Variants in TNIP3 observed in about 807,000 individuals in gnomAD.
The protein encoded by TNIP3 is TNFAIP3-interacting protein 3.
In TNIP3, 34 loss-of-function variants were observed where a neutral mutation model predicts 54.1. The ratio of observed to expected loss-of-function variants is 0.63; its 90% CI spans 0.48 to 0.84. TNIP3 has a LOEUF of 0.84. Among genes scored for constraint, TNIP3 ranks in the 40% least tolerant of loss-of-function variants. The pLI, the probability that TNIP3 is intolerant of heterozygous loss-of-function variation, is 0.00. For missense variants in TNIP3, 366 were observed against 387.6 expected (o/e 0.94, Z 0.47); for synonymous variants, 134 against 136.8 (o/e 0.98, Z 0.14).
chr4:121,153,799 T>G (rs201500497), intron 5 of TNIP3, among the ~76,000 whole-genome samples: 1 of 152,198 alleles, frequency 6.6e-6, no homozygotes, highest in East Asian at 1.9e-4. Flanking sequence ...TCACCTACTC[T>G]TGTTTCAGAA....
At chr4:121,173,893 A>G (rs1349606953) in intron 3 of TNIP3, among the ~76,000 whole-genome samples, 2 of 152,198 alleles carry the variant, frequency 1.3e-5, no homozygotes, top group East Asian at 3.8e-4. Context: ...GGCCTCCCAA[A>G]GTGCTGGGAT....
chr4:121,150,419 G>T (rs1729678454), intron 5 of TNIP3, among the ~76,000 whole-genome samples, 200 bp from the exon 6 acceptor site: 2 of 150,834 alleles, frequency 1.3e-5, no homozygotes, highest in Non-Finnish European at 3.0e-5. Context: ...TTTTTTCCAT[G>T]ATGATGCTTA....
intron 2 of TNIP3, among the ~76,000 whole-genome samples, chr4:121,187,548 GACCA>G (rs1725085233): frequency 6.6e-6 from 1 of 152,166 alleles, no homozygotes; most frequent in Non-Finnish European, 1.5e-5. Context: ...AATAAAGAAG[GACCA>G]TGGAGGGCTA....
chr4:121,142,694 TA>T, intron 8 of TNIP3, 31 bp downstream of exon 8: 1 of 1,581,216 alleles, frequency 6.3e-7, no homozygotes, highest in Non-Finnish European at 8.7e-7. Flanking sequence ...TACATGGGAA[TA>T]AATGTATGCG....
intron 3 of TNIP3, among the ~76,000 whole-genome samples, chr4:121,180,835 C>A (rs1359539268): frequency 6.6e-6 from 1 of 152,178 alleles, no homozygotes; most frequent in Non-Finnish European, 1.5e-5. Context: ...ATTCTGTCTC[C>A]CTACCTTCCA....
At chr4:121,197,638 G>A (rs145541982) in intron 2 of TNIP3, among the ~76,000 whole-genome samples, 1 of 151,806 alleles carries the variant, frequency 6.6e-6, no homozygotes, top group Non-Finnish European at 1.5e-5. Flanking sequence ...ATGAGAAAGA[G>A]ATTATCTTTA....
intron 2 of TNIP3, among the ~76,000 whole-genome samples, chr4:121,160,552 C>T (rs181290848): frequency 1.3e-3 from 197 of 152,220 alleles, no homozygotes; most frequent in African/African-American, 4.5e-3. Context: ...ACTACTTCCT[C>T]TGTCAAGAAG....
chr4:121,163,507 C>T (rs1314885050), intron 1 of TNIP3, among the ~76,000 whole-genome samples: 1 of 152,162 alleles, frequency 6.6e-6, no homozygotes, highest in Non-Finnish European at 1.5e-5. Flanking sequence ...CTGGGCACTT[C>T]TTTCTCTATG....
upstream of TNIP3, among the ~76,000 whole-genome samples, chr4:121,220,676 C>G (rs1579514068): frequency 6.6e-6 from 1 of 151,972 alleles, no homozygotes; most frequent in East Asian, 1.9e-4. Context: ...GTAAAATTGT[C>G]ATAAATAGCG....
At chr4:121,161,278 T>A in intron 1 of TNIP3, 62 bp from the exon 2 acceptor site, 2 of 1,421,878 alleles carry the variant, frequency 1.4e-6, no homozygotes, top group Non-Finnish European at 1.9e-6. Flanking sequence ...ACAGAAGTAC[T>A]GTTCCTCAGA....
At chr4:121,154,513 T>C (rs1729960431) in intron 5 of TNIP3, 38 bp downstream of exon 5, 16 of 1,610,620 alleles carry the variant, frequency 9.9e-6, no homozygotes, top group Non-Finnish European at 1.3e-5. Context: ...ATGCAGGGAC[T>C]TCTCATTTTA....
chr4:121,182,936 A>G (rs13106084), intron 2 of TNIP3: 143,456 of 811,244 alleles, frequency 0.18, 14,738 homozygotes, highest in Middle Eastern at 0.23. Flanking sequence ...TAATCTCATT[A>G]TGTTTTCATT....
At chr4:121,173,894 G>A (rs749886341) in intron 3 of TNIP3, among the ~76,000 whole-genome samples, 8 of 152,188 alleles carry the variant, frequency 5.3e-5, no homozygotes, top group Non-Finnish European at 1.0e-4. Flanking sequence ...GCCTCCCAAA[G>A]TGCTGGGATT....
intron 6 of TNIP3, among the ~76,000 whole-genome samples, chr4:121,148,449 G>C (rs1045444330): frequency 6.6e-6 from 1 of 152,206 alleles, no homozygotes; most frequent in African/African-American, 2.4e-5. Flanking sequence ...AGTGACTCTT[G>C]CATGTGGTGT....
chr4:121,180,466 T>C (rs1724625957), intron 3 of TNIP3, among the ~76,000 whole-genome samples: 2 of 152,224 alleles, frequency 1.3e-5, no homozygotes, highest in South Asian at 4.1e-4. Context: ...CTAAATAGTG[T>C]CAAATGCAAA....
chr4:121,145,320 T>C (rs989632504), intron 7 of TNIP3, among the ~76,000 whole-genome samples: 2 of 152,192 alleles, frequency 1.3e-5, no homozygotes, highest in Admixed American at 6.5e-5. Flanking sequence ...TGAGCTTTCA[T>C]TATTTTAAAG....
intron 3 of TNIP3, among the ~76,000 whole-genome samples, chr4:121,174,414 A>G (rs1209783898): frequency 3.9e-5 from 6 of 151,902 alleles, no homozygotes; most frequent in Non-Finnish European, 7.4e-5. Context: ...CTAAAATAAT[A>G]ATAATAATAA....
intron 8 of TNIP3, among the ~76,000 whole-genome samples, chr4:121,142,293 T>A (rs2148797986): frequency 6.6e-6 from 1 of 152,172 alleles, no homozygotes; most frequent in Admixed American, 6.5e-5. Context: ...GAAAGGAAAT[T>A]AGGAATTAGG....
Position 121,132,489 on chromosome 4 carries a change from CCAA to C in TNIP3, c.*139_*141del. 1.3e-6 allele frequency: 1 copy of C among 741,618 alleles called. No homozygotes were observed. The highest frequency in any genetic ancestry group is 2.2e-6 in the Non-Finnish European group (1 of 449,826). The allele number at this position is 741,618 out of a possible 1,614,324, so 45.9% of individuals were successfully genotyped here. A position where few individuals can be genotyped will look rare whatever the true frequency, so the allele number is the denominator to read the frequency against. Reference sequence around the variant, plus strand: ...TCAGAAGCCTTTTCCTGTATTCATACCAAAGGAAAACATGACCAGGCACAAATA... The same window carrying C: ...TCAGAAGCCTTTTCCTGTATTCATACAGGAAAACATGACCAGGCACAAATA... On this transcript the variant is annotated 3_prime_UTR_variant, in exon 11 of 11. Coordinates refer to ENST00000057513, the MANE Select transcript of TNIP3 (RefSeq NM_024873.6).
Sources: allele counts gnomAD v4.1 joint callset (sites outside exome capture counted in the v4.1 genomes callset), GRCh38; gene constraint gnomAD v4.1.1; transcripts MANE v1.5; gene names NCBI Gene and HGNC (gene_info 2026-07-23, HGNC 2026-07-21).